HECW1: variants seen among roughly 807,000 people sequenced by gnomAD.
HECW1 encodes the protein E3 ubiquitin-protein ligase HECW1.
Under a neutral mutation model 182.3 loss-of-function variants are expected in HECW1, and 61 were observed. The ratio of observed to expected loss-of-function variants is 0.33; its 90% CI spans 0.27 to 0.41. HECW1 has a LOEUF of 0.41. HECW1 is among the 10% of genes least tolerant of loss of function. HECW1 has a pLI of 1.00. For missense variants in HECW1, 1,739 were observed against 2,108.9 expected (o/e 0.82, Z 3.44); for synonymous variants, 859 against 832.6 (o/e 1.03, Z -0.55).
intron 2 of HECW1, among the ~76,000 whole-genome samples, chr7:43,236,062 C>A (rs1343208203): frequency 2.0e-5 from 3 of 151,990 alleles, no homozygotes; most frequent in African/African-American, 7.3e-5. Context: ...GAAGGAGGTA[C>A]CTGTGCTACC....
intron 8 of HECW1, among the ~76,000 whole-genome samples, chr7:43,429,333 T>TATATATATATATATAC (rs2076468646): frequency 8.9e-6 from 1 of 112,988 alleles, no homozygotes; most frequent in African/African-American, 3.4e-5. Flanking sequence ...TATATATATA[T>TATATATATATATATAC]ATACATATAT....
At chr7:43,196,895 A>G (rs966107709) in intron 2 of HECW1, among the ~76,000 whole-genome samples, 1 of 152,052 alleles carries the variant, frequency 6.6e-6, no homozygotes, top group Non-Finnish European at 1.5e-5. Context: ...ATTGAGTTTT[A>G]TTTTCCCCCT....
chr7:43,141,761 G>A (rs920051849), intron 2 of HECW1, among the ~76,000 whole-genome samples: 14 of 152,302 alleles, frequency 9.2e-5, no homozygotes, highest in African/African-American at 2.4e-4. Flanking sequence ...GCCTCCCAAA[G>A]TGCTGAGATT....
chr7:43,437,963 AC>A (rs749776776), intron 8 of HECW1, 39 bp from the exon 9 acceptor site: 1 of 1,608,106 alleles, frequency 6.2e-7, no homozygotes, highest in Non-Finnish European at 8.5e-7. Context: ...CAGCCCTCCA[AC>A]CTCTCAGTTA....
chr7:43,506,775 A>T (rs1180773363), intron 21 of HECW1, among the ~76,000 whole-genome samples: 1 of 152,072 alleles, frequency 6.6e-6, no homozygotes, highest in African/African-American at 2.4e-5. Context: ...TACAAAAATT[A>T]ACAAAAATTA....
At position 43,114,132 on chromosome 7, in the gene HECW1, G is replaced by T. The variant is rs184158658; in HGVS notation, c.-266-25G>T. ...TCTGCAGTGGTGCAATTCTCCCCTT[G>T]TTTTCCCCCCTTCTCTTTGAAAAGA... On this transcript the variant is annotated intron_variant, in intron 1 of 29. Transcript: ENST00000395891. 228 of 778,186 alleles carry T rather than the reference G, an allele frequency of 2.9e-4. 3 individuals carry two copies. In the East Asian group the frequency reaches 8.4e-3, roughly 29 times the overall value. The allele number at this position is 778,186 out of a possible 1,614,324, so 48.2% of individuals were successfully genotyped here.
intron 21 of HECW1, among the ~76,000 whole-genome samples, chr7:43,503,839 A>G (rs1243953541): frequency 1.3e-5 from 2 of 152,246 alleles, no homozygotes; most frequent in African/African-American, 4.8e-5. Flanking sequence ...AGTGAAAATC[A>G]TAATTAATAA....
chr7:43,361,234 G>A (rs1178954763), intron 6 of HECW1, among the ~76,000 whole-genome samples: 1 of 152,200 alleles, frequency 6.6e-6, no homozygotes, highest in Non-Finnish European at 1.5e-5. Context: ...GAGGAGCCAA[G>A]CTTCTTTATT....
chr7:43,549,391 G>A (rs1367227689), intron 26 of HECW1, among the ~76,000 whole-genome samples: 1 of 152,206 alleles, frequency 6.6e-6, no homozygotes, highest in Non-Finnish European at 1.5e-5. Context: ...TTAGGTACCT[G>A]TGTCCACAAG....
chr7:43,492,695 C>T (rs2078976893), intron 18 of HECW1, among the ~76,000 whole-genome samples: 1 of 152,090 alleles, frequency 6.6e-6, no homozygotes, highest in Non-Finnish European at 1.5e-5. Flanking sequence ...ACATGGATTA[C>T]TTTGCACTCA....
intron 13 of HECW1, among the ~76,000 whole-genome samples, chr7:43,458,612 A>C (rs1022208436): frequency 2.6e-5 from 4 of 152,354 alleles, no homozygotes; most frequent in Middle Eastern, 3.4e-3. Flanking sequence ...GTGAAAAAGC[A>C]TACCTAGGGA....
Position 43,525,836 on chromosome 7 carries a change from C to T in HECW1, c.4020-15327C>T, listed in dbSNP as rs922898254. Among the ~76,000 whole-genome samples, 4 of 152,114 alleles carry T rather than the reference C, an allele frequency of 2.6e-5. No individual in the cohort carries two copies. The South Asian group carries it at 8.3e-4, about 32-fold the overall frequency. On this transcript the variant is annotated intron_variant, in intron 24 of 29. Coordinates refer to ENST00000395891, the MANE Select transcript of HECW1 (RefSeq NM_015052.5). ...GGCTGAGAGCAGATCAGCCTTGGGACCTTTAGGGGTACAGAGGAGAGGGGA... is the reference window on the plus strand; with the variant it reads ...GGCTGAGAGCAGATCAGCCTTGGGATCTTTAGGGGTACAGAGGAGAGGGGA...
chr7:43,285,342 T>C (rs549532041), intron 3 of HECW1, among the ~76,000 whole-genome samples: 41 of 152,274 alleles, frequency 2.7e-4, no homozygotes, highest in Non-Finnish European at 4.0e-4. Flanking sequence ...ACATCTGCAT[T>C]GGTTAATGCT....
intron 8 of HECW1, among the ~76,000 whole-genome samples, chr7:43,435,505 G>C (rs1053313585): frequency 6.6e-6 from 1 of 152,168 alleles, no homozygotes; most frequent in Non-Finnish European, 1.5e-5. Flanking sequence ...TGTGGAACTC[G>C]TTAGTTCTGT....
chr7:43,313,699 G>A (rs1255908625), intron 4 of HECW1, among the ~76,000 whole-genome samples: 3 of 152,164 alleles, frequency 2.0e-5, no homozygotes, highest in Admixed American at 2.0e-4. Flanking sequence ...CACTTAAAAT[G>A]TAGAAGTTTC....
At chr7:43,346,746 G>A (rs1489147623) in intron 5 of HECW1, among the ~76,000 whole-genome samples, 1 of 152,080 alleles carries the variant, frequency 6.6e-6, no homozygotes, top group Non-Finnish European at 1.5e-5. Flanking sequence ...TGTTGAAAAG[G>A]GCATCCTTTC....
chr7:43,359,542 A>T (rs552523319), intron 5 of HECW1, among the ~76,000 whole-genome samples: 1 of 152,354 alleles, frequency 6.6e-6, no homozygotes, highest in African/African-American at 2.4e-5. Flanking sequence ...TTGTTTGAGG[A>T]GTTTTAAATG....
chr7:43,429,282 TTATATGCATATATATATATA>T (rs1381379214), intron 8 of HECW1, among the ~76,000 whole-genome samples: 1 of 131,084 alleles, frequency 7.6e-6, no homozygotes, highest in Non-Finnish European at 1.6e-5. Flanking sequence ...TTTCCATATA[TTATATGCATATATATATATA>T]TATATATATA....
chr7:43,210,450 A>AGTGTGTGTGTGTGT lies in HECW1; in HGVS notation c.-31-33411_-31-33398dup, dbSNP rs57987187. Among the ~76,000 whole-genome samples, 1,179 of 145,492 alleles carry AGTGTGTGTGTGTGT rather than the reference A, an allele frequency of 8.1e-3. 17 individuals carry two copies. Among genetic ancestry groups the AGTGTGTGTGTGTGT allele is most frequent in the African/African-American group, 0.029 (1,115 of 39,122 alleles). On this transcript the variant is annotated intron_variant, in intron 2 of 29. Transcript: ENST00000395891. ...ACTCAAGAAGGATCAAGTAGAAGTG[A>AGTGTGTGTGTGTGT]GTGTGTGTGTGTGTGTGTGTGTGTG...
Sources: allele counts gnomAD v4.1 joint callset (sites outside exome capture counted in the v4.1 genomes callset), GRCh38; gene constraint gnomAD v4.1.1; transcripts MANE v1.5; gene names NCBI Gene and HGNC (gene_info 2026-07-23, HGNC 2026-07-21).